The following RHOT1 variants were observed in gnomAD, a reference collection of about 807,000 sequenced individuals.
RHOT1 encodes ras homolog family member T1.
RHOT1 carries 27 observed loss-of-function variants against 95.3 expected under a neutral mutation model. The ratio of observed to expected loss-of-function variants is 0.28; its 90% CI spans 0.21 to 0.39. The LOEUF (loss-of-function observed/expected upper bound fraction) is 0.39, where lower values mean the gene tolerates loss of function less well. Among genes scored for constraint, RHOT1 ranks in the 10% least tolerant of loss-of-function variants. The pLI, the probability that RHOT1 is intolerant of heterozygous loss-of-function variation, is 1.00. For missense variants in RHOT1, 578 were observed against 786.7 expected (o/e 0.73, Z 3.17); for synonymous variants, 227 against 263.5 (o/e 0.86, Z 1.34).
Position 32,208,153 on chromosome 17 carries a change from A to G in RHOT1, c.1583A>G (p.Lys528Arg). ...ATACCTTGCTTAATCGTAGCTGCAA[A>G]GTCAGACCTGCATGAAGTTAAACAA... Reference protein sequence around the residue: ...SRIPCLIVAAKSDLHEVKQEY... With the variant: ...SRIPCLIVAARSDLHEVKQEY... Residue 528 changes from lysine (K) to arginine (R), a missense_variant, in exon 18 of 20, where the codon AAG becomes AGG. By Grantham distance (26) the Lys-to-Arg change is conservative. Transcript: ENST00000545287. 1 of 1,614,142 alleles carries G rather than the reference A, an allele frequency of 6.2e-7. No homozygotes were observed. Among genetic ancestry groups the G allele is most frequent in the Non-Finnish European group, 8.5e-7 (1 of 1,179,972 alleles).
At chr17:32,147,129 C>T (rs1371224321) in intron 1 of RHOT1, among the ~76,000 whole-genome samples, 1 of 151,546 alleles carries the variant, frequency 6.6e-6, no homozygotes, top group Non-Finnish European at 1.5e-5. Flanking sequence ...GTTACAGCAT[C>T]AGCCTCTCAG....
At chr17:32,216,721 A>C (rs1324185676) in intron 19 of RHOT1, among the ~76,000 whole-genome samples, 1 of 152,158 alleles carries the variant, frequency 6.6e-6, no homozygotes, top group Non-Finnish European at 1.5e-5. Flanking sequence ...TTATTGAAGA[A>C]AGGATTTTAT....
intron 1 of RHOT1, among the ~76,000 whole-genome samples, chr17:32,154,436 A>G (rs886869011): frequency 6.6e-6 from 1 of 151,504 alleles, no homozygotes; most frequent in African/African-American, 2.4e-5. Flanking sequence ...AATACAAAAA[A>G]ATTAGCCAGG....
rs1300585666 is a variant in RHOT1, at chr17:32,149,635, A to ATGTGTGTGTGTGTG, written c.37+6920_37+6933dup. 7.4e-3 allele frequency among the ~76,000 whole-genome samples: 439 copies of ATGTGTGTGTGTGTG among 58,960 alleles called. 10 individuals carry two copies. Among genetic ancestry groups the ATGTGTGTGTGTGTG allele is most frequent in the Non-Finnish European group, 0.011 (331 of 29,162 alleles). 38.7% of individuals were successfully genotyped at this position (58,960 alleles called of 152,430 possible). A position where few individuals can be genotyped will look rare whatever the true frequency, so the allele number is the denominator to read the frequency against. On this transcript the variant is annotated intron_variant, in intron 1 of 19. Coordinates refer to ENST00000545287, the MANE Select transcript of RHOT1 (RefSeq NM_001033566.3). The stretch of plus-strand genomic sequence containing the variant: ...TATATATATATATATATATATATAT[A>ATGTGTGTGTGTGTG]TGTGTGTGTGTGTGTGTGTGTGTGT...
intron 6 of RHOT1, chr17:32,179,165 A>G (rs1220159311): frequency 2.7e-3 from 193 of 71,228 alleles, no homozygotes; most frequent in African/African-American, 3.7e-3. Flanking sequence ...AGTGAGGAGC[A>G]CCTCTGCCCG....
At chr17:32,222,968 C>A in intron 19 of RHOT1, 1 of 783,108 alleles carries the variant, frequency 1.3e-6, no homozygotes, top group Non-Finnish European at 1.6e-6. Flanking sequence ...GCATTTTCTT[C>A]TCTGACTTTT....
chr17:32,221,085 C>T (rs1972361672), intron 19 of RHOT1: 5 of 982,458 alleles, frequency 5.1e-6, no homozygotes, highest in Admixed American at 6.2e-5. Context: ...GAGCCAGAAG[C>T]GGCCAGGCGT....
At chr17:32,146,956 C>A (rs2031445806) in intron 1 of RHOT1, among the ~76,000 whole-genome samples, 1 of 131,410 alleles carries the variant, frequency 7.6e-6, no homozygotes, top group Non-Finnish European at 1.5e-5. Flanking sequence ...GTTGGCCAGG[C>A]TGGTCTGGAA....
chr17:32,206,862 A>G (rs2037792576), intron 16 of RHOT1, 48 bp from the exon 17 acceptor site: 7 of 1,292,184 alleles, frequency 5.4e-6, no homozygotes, highest in Middle Eastern at 4.3e-4. Context: ...GACTTAATAT[A>G]TCAATATTAT....
At chr17:32,196,367 T>G (rs188595791) in intron 11 of RHOT1, among the ~76,000 whole-genome samples, 6 of 152,194 alleles carry the variant, frequency 3.9e-5, no homozygotes, top group African/African-American at 1.4e-4. Flanking sequence ...AATTTTTAAA[T>G]TTTTTGTAGA....
Position 32,224,706 on chromosome 17 carries a change from G to T in RHOT1, c.1953G>T (p.Met651Ile). The change falls in exon 20 of 20, where the codon ATG becomes ATT. Residue 651 changes from methionine to isoleucine, a missense_variant. Met to Ile is a conservative substitution (Grantham distance 10, BLOSUM62 1). Around this residue, in one of 4 missense-constraint regions of RHOT1, gnomAD observed 296 missense variants for 338.5 expected, o/e 0.87. Transcript: ENST00000545287. ...ATVFAVLGFA[M>I]YKALLKQR Reference sequence around the variant, plus strand: ...TTTTTGCAGTTTTGGGCTTTGCTATGTACAAAGCATTATTGAAACAGCGAT... The same window carrying T: ...TTTTTGCAGTTTTGGGCTTTGCTATTTACAAAGCATTATTGAAACAGCGAT... The T allele has an allele frequency of 1.2e-6, 2 of 1,610,760 alleles. No individual in the cohort carries two copies. Among genetic ancestry groups the T allele is most frequent in the Non-Finnish European group, 1.7e-6 (2 of 1,177,646 alleles).
intron 11 of RHOT1, among the ~76,000 whole-genome samples, chr17:32,194,404 A>C (rs2036713794): frequency 6.6e-6 from 1 of 152,254 alleles, no homozygotes; most frequent in Non-Finnish European, 1.5e-5. Context: ...TCTCAACCTC[A>C]GCACTATTGG....
At chr17:32,178,530 C>T (rs534249873) in intron 6 of RHOT1, among the ~76,000 whole-genome samples, 6 of 152,162 alleles carry the variant, frequency 3.9e-5, no homozygotes, top group East Asian at 1.9e-4. Flanking sequence ...GGTGGGATCT[C>T]GGCTCGCTAC....
chr17:32,221,127 G>A (rs117534648), intron 19 of RHOT1: 38,804 of 774,542 alleles, frequency 0.05, 958 homozygotes, highest in Non-Finnish European at 0.056. Flanking sequence ...CAGCACTTTC[G>A]GAAGCCGAGG....
chr17:32,182,637 G>T, intron 6 of RHOT1, 120 bp from the exon 7 acceptor site: 1 of 641,864 alleles, frequency 1.6e-6, no homozygotes, highest in Non-Finnish European at 2.7e-6. Context: ...GTAGAGAAAG[G>T]TTCATGTTGT....
chr17:32,208,491 T>C, intron 18 of RHOT1, 182 bp downstream of exon 18: 2 of 604,668 alleles, frequency 3.3e-6, no homozygotes, highest in East Asian at 2.8e-5. Flanking sequence ...TAAAATGATA[T>C]AAACAGTGCT....
At chr17:32,158,467 G>A (rs1219184104) in intron 1 of RHOT1, among the ~76,000 whole-genome samples, 4 of 151,858 alleles carry the variant, frequency 2.6e-5, no homozygotes, top group Non-Finnish European at 4.4e-5. Flanking sequence ...CTCTGTCGTC[G>A]TTTTTTGAGA....
At chr17:32,152,618 G>T (rs1280088152) in intron 1 of RHOT1, among the ~76,000 whole-genome samples, 1 of 151,792 alleles carries the variant, frequency 6.6e-6, no homozygotes, top group African/African-American at 2.4e-5. Context: ...GAGAGATGAG[G>T]AAGAATGGAT....
chr17:32,168,810 A>G (rs2034330973), intron 1 of RHOT1, among the ~76,000 whole-genome samples: 1 of 152,216 alleles, frequency 6.6e-6, no homozygotes, highest in East Asian at 1.9e-4. Flanking sequence ...TAAATCTGCA[A>G]CTAATCTTTT....
Sources: gnomAD v4.1 joint callset for allele counts (sites outside exome capture counted in the v4.1 genomes callset) on GRCh38, gnomAD v4.1.1 for gene constraint, gnomAD v4.1.1 regional missense constraint, MANE v1.5 for transcripts, NCBI Gene and HGNC (gene_info 2026-07-23, HGNC 2026-07-21) for gene names.